KIF16B: variants seen among roughly 807,000 people sequenced by gnomAD.
KIF16B encodes the protein kinesin-like protein KIF16B.
KIF16B carries 98 observed loss-of-function variants against 156.3 expected under a neutral mutation model. That is an observed-to-expected ratio of 0.63 (90% CI 0.53 to 0.74). KIF16B has a LOEUF of 0.74. KIF16B is among the 30% of genes least tolerant of loss of function. KIF16B has a pLI of 0.00. For missense variants in KIF16B, 1,421 were observed against 1,606.5 expected, an observed-to-expected ratio of 0.88 and a Z score of 1.97; for synonymous variants, 564 against 583.7, an observed-to-expected ratio of 0.97 and a Z score of 0.49.
chr20:16,401,787 C>G (rs573026842), intron 17 of KIF16B, among the ~76,000 whole-genome samples: 1 of 152,312 alleles, frequency 6.6e-6, no homozygotes, highest in East Asian at 1.9e-4. Context: ...TTCTACTTTG[C>G]TCCACTTCTA....
intron 12 of KIF16B, among the ~76,000 whole-genome samples, chr20:16,444,143 T>G (rs1287513104): frequency 2.0e-5 from 3 of 152,238 alleles, no homozygotes; most frequent in Non-Finnish European, 2.9e-5. Flanking sequence ...CTCACATCTT[T>G]CATTAGTTAA....
At chr20:16,326,278 C>CA (rs577461337) in intron 24 of KIF16B, among the ~76,000 whole-genome samples, 12,178 of 139,202 alleles carry the variant, frequency 0.087, 590 homozygotes, top group South Asian at 0.16. Flanking sequence ...GCAAATGCAA[C>CA]AAAAAAAAAA....
chr20:16,297,806 A>G (rs1012818927), intron 25 of KIF16B, among the ~76,000 whole-genome samples: 1 of 151,748 alleles, frequency 6.6e-6, no homozygotes, highest in Non-Finnish European at 1.5e-5. Context: ...TACTGATTCT[A>G]TCTCATGTGT....
At chr20:16,334,312 C>T (rs868847132) in intron 24 of KIF16B, among the ~76,000 whole-genome samples, 24 of 152,332 alleles carry the variant, frequency 1.6e-4, no homozygotes, top group African/African-American at 5.5e-4. Flanking sequence ...GCAAAGCTCA[C>T]TTTAAAAACA....
At chr20:16,561,459 A>C (rs1034293338) in intron 1 of KIF16B, among the ~76,000 whole-genome samples, 1 of 152,174 alleles carries the variant, frequency 6.6e-6, no homozygotes, top group African/African-American at 2.4e-5. Context: ...TCACTAAGTC[A>C]GTGGGAAAAA....
intron 1 of KIF16B, among the ~76,000 whole-genome samples, chr20:16,548,637 T>C (rs891112751): frequency 6.6e-6 from 1 of 152,014 alleles, no homozygotes; most frequent in Non-Finnish European, 1.5e-5. Flanking sequence ...AGCCTGAGAG[T>C]GGGCACATTG....
chr20:16,432,055 C>G (rs532588040), intron 12 of KIF16B, among the ~76,000 whole-genome samples: 21 of 151,786 alleles, frequency 1.4e-4, no homozygotes, highest in Non-Finnish European at 2.9e-4. Flanking sequence ...ACACAGAGTT[C>G]AGTGGAATGC....
intron 1 of KIF16B, among the ~76,000 whole-genome samples, chr20:16,565,846 AT>A (rs758380270): frequency 3.9e-5 from 6 of 152,196 alleles, no homozygotes; most frequent in Non-Finnish European, 8.8e-5. Context: ...CTTCCACTTA[AT>A]AAGGCCCCAA....
chr20:16,352,721 C>T (rs957223949), intron 23 of KIF16B, among the ~76,000 whole-genome samples: 1 of 152,146 alleles, frequency 6.6e-6, no homozygotes, highest in Admixed American at 6.5e-5. Flanking sequence ...GGCAGAAGAG[C>T]GCAGGAAGCA....
rs141949681 is a variant in KIF16B at position 16,418,628 on chromosome 20, A to G, written c.1612+8476T>C. Among the ~76,000 whole-genome samples the G allele has an allele frequency of 4.1e-3, 624 of 152,250 alleles. 1 individual carries two copies. The highest frequency in any genetic ancestry group is 0.014 in the African/African-American group (584 of 41,544). ...GTTCTGGCCAATCTACAGGGTGCAC[A>G]GTGAATGTTTCCATGTCCTCTGCTT... On this transcript the variant is annotated intron_variant, in intron 15 of 25. Transcript: ENST00000354981.
chr20:16,326,979 A>G (rs868510842), intron 24 of KIF16B, among the ~76,000 whole-genome samples: 2 of 150,968 alleles, frequency 1.3e-5, no homozygotes, highest in African/African-American at 2.4e-5. Flanking sequence ...TATATATAAC[A>G]TATATATGTG....
At chr20:16,418,690 T>C (rs543010686) in intron 15 of KIF16B, among the ~76,000 whole-genome samples, 1 of 152,288 alleles carries the variant, frequency 6.6e-6, no homozygotes, top group South Asian at 2.1e-4. Flanking sequence ...ACTCTATCCT[T>C]GCATCATGCT....
intron 12 of KIF16B, among the ~76,000 whole-genome samples, chr20:16,438,762 G>A (rs561455304): frequency 1.3e-5 from 2 of 152,222 alleles, no homozygotes; most frequent in Admixed American, 1.3e-4. Context: ...TCTCCTCCAG[G>A]AAATGACTTT....
chr20:16,482,071 A>G (rs939529311), intron 12 of KIF16B, among the ~76,000 whole-genome samples: 4 of 152,184 alleles, frequency 2.6e-5, no homozygotes, highest in Non-Finnish European at 5.9e-5. Flanking sequence ...AAAGTACGAG[A>G]TAAGATGTGA....
intron 17 of KIF16B, among the ~76,000 whole-genome samples, chr20:16,397,217 G>T (rs2065528576): frequency 6.6e-6 from 1 of 152,190 alleles, no homozygotes; most frequent in African/African-American, 2.4e-5. Flanking sequence ...TCCCCTGCAG[G>T]AAAATTATCT....
At chr20:16,382,367 TCTC>T (rs2065118817) in intron 17 of KIF16B, among the ~76,000 whole-genome samples, 2 of 152,208 alleles carry the variant, frequency 1.3e-5, no homozygotes, top group Non-Finnish European at 2.9e-5. Context: ...TCTCTACACT[TCTC>T]ATCATAATCA....
chr20:16,392,104 G>A (rs1480949847), intron 17 of KIF16B, among the ~76,000 whole-genome samples: 1 of 152,142 alleles, frequency 6.6e-6, no homozygotes, highest in African/African-American at 2.4e-5. Flanking sequence ...GAAAGCACAG[G>A]TAAGTGTCCT....
rs995814120 is a variant in KIF16B at position 16,404,704 on chromosome 20, A to C, written c.1784+109T>G. On this transcript the variant is annotated intron_variant, in intron 17 of 25. Coordinates refer to ENST00000354981, the MANE Select transcript of KIF16B (RefSeq NM_024704.5). ...GAAAATGACGGTGGCTGATTTGATAAGGAGGCGCCGTTGCAGAAGTTTTAT... is the reference window on the plus strand; with the variant it reads ...GAAAATGACGGTGGCTGATTTGATACGGAGGCGCCGTTGCAGAAGTTTTAT... 1.1e-5 allele frequency: 8 copies of C among 753,652 alleles called. No homozygotes were observed. In the Admixed American group the frequency reaches 1.4e-4, roughly 13 times the overall value. The allele number at this position is 753,652 out of a possible 1,614,324, so 46.7% of individuals were successfully genotyped here. A position where few individuals can be genotyped will look rare whatever the true frequency, so the allele number is the denominator to read the frequency against.
chr20:16,278,558 G>C (rs1270878669), intron 25 of KIF16B, among the ~76,000 whole-genome samples: 1 of 152,130 alleles, frequency 6.6e-6, no homozygotes, highest in Non-Finnish European at 1.5e-5. Flanking sequence ...GGCATATTTT[G>C]TTGCTCAGGG....
Sources: allele counts gnomAD v4.1 joint callset (sites outside exome capture counted in the v4.1 genomes callset), GRCh38; gene constraint gnomAD v4.1.1; transcripts MANE v1.5; gene names NCBI Gene and HGNC (gene_info 2026-07-23, HGNC 2026-07-21).